Variants in IST1 observed in about 807,000 individuals in gnomAD.
IST1 encodes IST1 factor associated with ESCRT-III.
In IST1, 23 loss-of-function variants were observed where a neutral mutation model predicts 37.0. The ratio of observed to expected loss-of-function variants is 0.62; its 90% CI spans 0.45 to 0.88. The LOEUF (loss-of-function observed/expected upper bound fraction) is 0.88. Ranked by LOEUF, IST1 falls within the 40% of genes least tolerant of loss-of-function variation. The pLI is 0.00. For missense variants in IST1, 488 were observed against 445.4 expected (o/e 1.10, Z -0.86); for synonymous variants, 180 against 161.7 (o/e 1.11, Z -0.86).
At chr16:71,894,811 C>T (rs1212059673), upstream of IST1, 4 of 1,531,260 alleles carry the variant, frequency 2.6e-6, no homozygotes, top group East Asian at 2.4e-5. Flanking sequence ...CTGGGAAGGT[C>T]CCTTCCAGGC....
intron 1 of IST1, among the ~76,000 whole-genome samples, chr16:71,895,886 C>T (rs568194426): frequency 7.5e-4 from 115 of 152,334 alleles, no homozygotes; most frequent in African/African-American, 2.2e-3. Flanking sequence ...GTCTTCCTGC[C>T]CCGAGGTGTG....
At chr16:71,895,947 A>G (rs1597225533) in intron 1 of IST1, among the ~76,000 whole-genome samples, 1 of 152,112 alleles carries the variant, frequency 6.6e-6, no homozygotes, top group African/African-American at 2.4e-5. Context: ...CCTCGGCGAC[A>G]CCCCTACCCC....
chr16:71,911,734 T>G (rs1188870265), intron 1 of IST1, among the ~76,000 whole-genome samples: 2 of 72,796 alleles, frequency 2.7e-5, no homozygotes, highest in African/African-American at 4.8e-5. Context: ...TTTTTTTTTT[T>G]GAGACAGGGT....
At chr16:71,920,657 G>C in intron 4 of IST1, 82 bp from the exon 5 acceptor site, 1 of 920,480 alleles carries the variant, frequency 1.1e-6, no homozygotes, top group Non-Finnish European at 1.8e-6. Flanking sequence ...TAATAGACGC[G>C]TGTTTACTGT....
In IST1 at chr16:71,929,955, G is replaced by A. The variant is rs2037869982; in HGVS notation, c.*2142G>A. On this transcript the variant is annotated 3_prime_UTR_variant, in exon 10 of 10. Coordinates refer to ENST00000378799, the MANE Select transcript of IST1 (RefSeq NM_001270975.2). ...ACTAATAAAGGGAATATGATACTGTGCATTATAAATTATGTCAGCCCGTCA... is the reference window on the plus strand; with the variant it reads ...ACTAATAAAGGGAATATGATACTGTACATTATAAATTATGTCAGCCCGTCA... 10 of 1,337,538 alleles carry A rather than the reference G, an allele frequency of 7.5e-6. No homozygotes were observed. The highest frequency in any genetic ancestry group is 4.5e-5 in the South Asian group (3 of 66,170). 82.9% of individuals were successfully genotyped at this position (1,337,538 alleles called of 1,614,324 possible). A position where few individuals can be genotyped will look rare whatever the true frequency, so the allele number is the denominator to read the frequency against.
At chr16:71,903,887 T>A (rs1315187914) in intron 1 of IST1, among the ~76,000 whole-genome samples, 1 of 152,068 alleles carries the variant, frequency 6.6e-6, no homozygotes, top group Non-Finnish European at 1.5e-5. Flanking sequence ...TGGTGGGAGG[T>A]ATGTTGAAGC....
At chr16:71,917,712 A>G (rs935244781) in intron 4 of IST1, among the ~76,000 whole-genome samples, 1 of 151,172 alleles carries the variant, frequency 6.6e-6, no homozygotes, top group Admixed American at 6.6e-5. Context: ...ATTTCCTAGG[A>G]GACTGTGTCA....
chr16:71,919,920 A>G (rs1042763884), intron 4 of IST1, among the ~76,000 whole-genome samples: 2 of 152,228 alleles, frequency 1.3e-5, no homozygotes, highest in African/African-American at 2.4e-5. Flanking sequence ...AATTTATTTC[A>G]GCAAGGCAAT....
intron 2 of IST1, among the ~76,000 whole-genome samples, chr16:71,916,149 A>G: frequency 6.6e-6 from 1 of 152,118 alleles, no homozygotes; most frequent in Non-Finnish European, 1.5e-5. Flanking sequence ...ATATCTTTTA[A>G]GCTTTGGATC....
At chr16:71,923,226 C>T in intron 7 of IST1, 62 bp from the exon 8 acceptor site, 3 of 900,556 alleles carry the variant, frequency 3.3e-6, no homozygotes, top group Non-Finnish European at 3.6e-6. Flanking sequence ...CTTCCCATAC[C>T]CAAACCTTCG....
In IST1 at chr16:71,896,099, CACTTTGG is replaced by C. The variant is rs1397056548; in HGVS notation, c.-16+511_-16+517del. Among the ~76,000 whole-genome samples the C allele has an allele frequency of 2.0e-5, 3 of 152,334 alleles. No individual in the cohort carries two copies. In the East Asian group the frequency reaches 5.8e-4, roughly 29 times the overall value. ...TGGGTTGGGGGAACGGACTTGGGTC[CACTTTGG>C]CCTGAGAAAATTACAATTTCTTTCG... is the stretch of plus-strand genomic sequence containing the variant. On this transcript the variant is annotated intron_variant, in intron 1 of 9. Coordinates refer to ENST00000378799, the MANE Select transcript of IST1 (RefSeq NM_001270975.2).
chr16:71,900,843 G>A (rs2037092277), intron 1 of IST1, among the ~76,000 whole-genome samples: 1 of 152,128 alleles, frequency 6.6e-6, no homozygotes, highest in South Asian at 2.1e-4. Flanking sequence ...TTGAATGTCT[G>A]TTGTAGACAG....
chr16:71,903,249 G>C (rs1207039657), intron 1 of IST1: 1 of 152,064 alleles, frequency 6.6e-6, no homozygotes, highest in Non-Finnish European at 1.5e-5. Context: ...CCAAAGTGCT[G>C]GAATTACAGG....
chr16:71,922,135 G>A (rs1326526102), intron 6 of IST1, among the ~76,000 whole-genome samples: 18 of 151,498 alleles, frequency 1.2e-4, no homozygotes, highest in Admixed American at 7.2e-4. Flanking sequence ...GTGAGACTCC[G>A]TCTCAAAAAA....
chr16:71,901,991 CAA>C (rs964364629), intron 1 of IST1, among the ~76,000 whole-genome samples: 2 of 152,158 alleles, frequency 1.3e-5, no homozygotes, highest in African/African-American at 4.8e-5. Flanking sequence ...ATAAAACACA[CAA>C]AAGAGGCTAG....
chr16:71,895,679 C>T (rs1006853043), intron 1 of IST1, 90 bp downstream of exon 1: 20 of 456,856 alleles, frequency 4.4e-5, no homozygotes, highest in Non-Finnish European at 5.2e-5. Flanking sequence ...CGCTAGGGCC[C>T]GGGATTCAAA....
chr16:71,929,991 A>G lies in IST1; in HGVS notation c.*2178A>G, dbSNP rs2037872018. Reference sequence around the variant, plus strand: ...TATGTCAGCCCGTCATCTTAGGGGCAGTTACAGTGGAGCTTTCCCAGTGAT... The same window carrying G: ...TATGTCAGCCCGTCATCTTAGGGGCGGTTACAGTGGAGCTTTCCCAGTGAT... On this transcript the variant is annotated 3_prime_UTR_variant, in exon 10 of 10. Coordinates refer to ENST00000378799, the MANE Select transcript of IST1 (RefSeq NM_001270975.2). 6.8e-7 allele frequency: 1 copy of G among 1,478,986 alleles called. No homozygotes were observed. Among genetic ancestry groups the G allele is most frequent in the Admixed American group, 2.4e-5 (1 of 42,258 alleles). The allele number at this position is 1,478,986 out of a possible 1,614,324, so 91.6% of individuals were successfully genotyped here. A position where few individuals can be genotyped will look rare whatever the true frequency, so the allele number is the denominator to read the frequency against.
At position 71,929,019 on chromosome 16, in the gene IST1, A is replaced by C. The variant is rs1483552099; in HGVS notation, c.*1206A>C. Reference sequence around the variant, plus strand: ...AAAGATCCTGTGTCCTGCTTTCTCTACTGTTTGGTCAGATGATGAAGTATA... The same window carrying C: ...AAAGATCCTGTGTCCTGCTTTCTCTCCTGTTTGGTCAGATGATGAAGTATA... On this transcript the variant is annotated 3_prime_UTR_variant, in exon 10 of 10. Transcript: ENST00000378799. 1 of 152,922 alleles carries C rather than the reference A, an allele frequency of 6.5e-6. No homozygotes were observed. The highest frequency in any genetic ancestry group is 1.5e-5 in the Non-Finnish European group (1 of 68,556). 9.5% of individuals were successfully genotyped at this position (152,922 alleles called of 1,614,324 possible).
At chr16:71,899,542 A>T (rs9934992) in intron 1 of IST1, among the ~76,000 whole-genome samples, 146,641 of 152,330 alleles carry the variant, frequency 0.96, 70,624 homozygotes, top group East Asian at 1. Flanking sequence ...TGGTCATACC[A>T]AAATTTGTTC....
Sources: gnomAD v4.1 joint callset for allele counts (sites outside exome capture counted in the v4.1 genomes callset) on GRCh38, gnomAD v4.1.1 for gene constraint, MANE v1.5 for transcripts, NCBI Gene and HGNC (gene_info 2026-07-23, HGNC 2026-07-21) for gene names.